Variants in ADARB2 observed in about 807,000 individuals in gnomAD.
ADARB2 encodes the protein inactive double-stranded RNA-specific editase B2.
ADARB2 carries 25 observed loss-of-function variants against 62.2 expected under a neutral mutation model. The ratio of observed to expected loss-of-function variants is 0.40; its 90% confidence interval spans 0.29 to 0.56. The LOEUF (loss-of-function observed/expected upper bound fraction) is 0.56, where lower values mean the gene tolerates loss of function less well. Among genes scored for constraint, ADARB2 ranks in the 20% least tolerant of loss-of-function variants. The pLI, the probability that ADARB2 is intolerant of heterozygous loss-of-function variation, is 0.43. For missense variants in ADARB2, 1,071 were observed against 1,077.4 expected (o/e 0.99, Z 0.08); for synonymous variants, 572 against 500.8 (o/e 1.14, Z -1.90).
At chr10:1,216,843 T>C in intron 7 of ADARB2, 108 bp downstream of exon 7, 1 of 1,402,094 alleles carries the variant, frequency 7.1e-7, no homozygotes, top group Non-Finnish European at 9.7e-7. Context: ...CCTGACCGCA[T>C]GTGCCCAGCA....
chr10:1,246,548 C>T (rs1364668597), intron 4 of ADARB2, among the ~76,000 whole-genome samples: 1 of 108,048 alleles, frequency 9.3e-6, no homozygotes, highest in Non-Finnish European at 1.9e-5. Context: ...TTTCAGCTTT[C>T]TACATATGGC....
At chr10:1,621,713 C>A (rs7077892) in intron 1 of ADARB2, among the ~76,000 whole-genome samples, 32,597 of 152,086 alleles carry the variant, frequency 0.21, 4,588 homozygotes, top group African/African-American at 0.39. Flanking sequence ...TCAAAGGAGA[C>A]CTAAGTAAAT....
intron 1 of ADARB2, among the ~76,000 whole-genome samples, chr10:1,590,563 T>C (rs1451774102): frequency 6.6e-6 from 1 of 152,210 alleles, no homozygotes; most frequent in Non-Finnish European, 1.5e-5. Context: ...TCTGTCATCG[T>C]GGTTCCCCTC....
intron 3 of ADARB2, among the ~76,000 whole-genome samples, chr10:1,275,342 G>A (rs944763808): frequency 5.3e-5 from 8 of 152,276 alleles, no homozygotes; most frequent in African/African-American, 1.9e-4. Flanking sequence ...CCAGCTGGAG[G>A]AGGTGGGAGG....
chr10:1,315,384 G>T (rs921792227), intron 3 of ADARB2, among the ~76,000 whole-genome samples: 2 of 152,350 alleles, frequency 1.3e-5, no homozygotes, highest in East Asian at 3.9e-4. Context: ...AGCGCAAAGC[G>T]TCCTGAGCGT....
chr10:1,528,977 GC>G (rs902652162), intron 1 of ADARB2, among the ~76,000 whole-genome samples: 2 of 152,104 alleles, frequency 1.3e-5, no homozygotes, highest in African/African-American at 4.8e-5. Flanking sequence ...ATGTAGCTTT[GC>G]TTTGGACTAG....
chr10:1,296,485 C>CA (rs1468894774), intron 3 of ADARB2, among the ~76,000 whole-genome samples: 2 of 152,176 alleles, frequency 1.3e-5, no homozygotes, highest in Non-Finnish European at 2.9e-5. Flanking sequence ...ACAACTGCCA[C>CA]ATTGAGACAC....
At chr10:1,450,484 G>A (rs953490759) in intron 1 of ADARB2, among the ~76,000 whole-genome samples, 5 of 152,214 alleles carry the variant, frequency 3.3e-5, no homozygotes, top group African/African-American at 4.8e-5. Flanking sequence ...CCCGGATGGT[G>A]CCTCCTGCAC....
chr10:1,386,168 T>C (rs999623474), intron 1 of ADARB2, among the ~76,000 whole-genome samples: 10 of 151,796 alleles, frequency 6.6e-5, no homozygotes, highest in African/African-American at 2.2e-4. Context: ...CTAAAAATAA[T>C]ACAAAGAGGT....
intron 4 of ADARB2, among the ~76,000 whole-genome samples, chr10:1,264,389 C>T (rs991248467): frequency 1.3e-5 from 2 of 152,190 alleles, no homozygotes; most frequent in East Asian, 3.8e-4. Context: ...TTATACTCCG[C>T]TTCTCTTAGG....
At chr10:1,386,119 A>G (rs1279457532) in intron 1 of ADARB2, among the ~76,000 whole-genome samples, 2 of 152,154 alleles carry the variant, frequency 1.3e-5, no homozygotes, top group Admixed American at 1.3e-4. Context: ...GTTGGCTATG[A>G]TAAGTTAAAC....
At chr10:1,622,852 G>A (rs11250671) in intron 1 of ADARB2, among the ~76,000 whole-genome samples, 15,833 of 152,170 alleles carry the variant, frequency 0.1, 2,287 homozygotes, top group African/African-American at 0.32. Context: ...ATGAAAACAC[G>A]TCCACGCAAA....
intron 4 of ADARB2, among the ~76,000 whole-genome samples, chr10:1,247,173 T>G (rs1295905280): frequency 1.3e-5 from 2 of 152,360 alleles, no homozygotes; most frequent in African/African-American, 4.8e-5. Flanking sequence ...TTTTGTACAT[T>G]GATTTTGTAT....
chr10:1,298,268 A>C (rs1278774790), intron 3 of ADARB2, among the ~76,000 whole-genome samples: 1 of 152,196 alleles, frequency 6.6e-6, no homozygotes, highest in Admixed American at 6.5e-5. Context: ...AGTTTCTCAC[A>C]ATGGCTTTGT....
At chr10:1,681,366 AC>A (rs1401997989) in intron 1 of ADARB2, among the ~76,000 whole-genome samples, 1 of 152,166 alleles carries the variant, frequency 6.6e-6, no homozygotes, top group Non-Finnish European at 1.5e-5. Context: ...CTTTTTCCCA[AC>A]AACTTGTGGA....
At chr10:1,482,444 T>C (rs539432649) in intron 1 of ADARB2, among the ~76,000 whole-genome samples, 2 of 152,338 alleles carry the variant, frequency 1.3e-5, no homozygotes, top group Admixed American at 1.3e-4. Flanking sequence ...ACAAATCCTG[T>C]GTGATTCCAC....
intron 1 of ADARB2, among the ~76,000 whole-genome samples, chr10:1,505,293 GT>G (rs1481498658): frequency 6.6e-6 from 1 of 152,054 alleles, no homozygotes; most frequent in African/African-American, 2.4e-5. Flanking sequence ...CGCATCCTGC[GT>G]TGTTGGAAAG....
intron 2 of ADARB2, among the ~76,000 whole-genome samples, chr10:1,369,544 A>G (rs942121583): frequency 1.3e-5 from 2 of 152,230 alleles, no homozygotes; most frequent in African/African-American, 4.8e-5. Context: ...TGTTACCCAC[A>G]CAAAAGGCAG....
At chr10:1,574,695 G>A (rs576703491) in intron 1 of ADARB2, among the ~76,000 whole-genome samples, 199 of 152,294 alleles carry the variant, frequency 1.3e-3, no homozygotes, top group African/African-American at 4.5e-3. Context: ...ATGCAGATTG[G>A]AGTAGGGTCC....
Sources: allele counts gnomAD v4.1 joint callset (sites outside exome capture counted in the v4.1 genomes callset), GRCh38; gene constraint gnomAD v4.1.1; transcripts MANE v1.5; gene names NCBI Gene and HGNC (gene_info 2026-07-23, HGNC 2026-07-21).